CHSY3: variants seen among roughly 807,000 people sequenced by gnomAD.
CHSY3 encodes the protein chondroitin sulfate synthase 3, also known as N-acetylgalactosaminyl-proteoglycan 3-beta-glucuronosyltransferase 3.
Under a neutral mutation model 67.2 loss-of-function variants are expected in CHSY3, and 35 were observed. That is an observed-to-expected ratio of 0.52 (90% CI 0.40 to 0.69). The LOEUF is 0.69. Ranked by LOEUF, CHSY3 falls within the 30% of genes least tolerant of loss-of-function variation. CHSY3 has a pLI of 0.00. For missense variants in CHSY3, 1,069 were observed against 1,138.5 expected (o/e 0.94, Z 0.88); for synonymous variants, 474 against 434.7 (o/e 1.09, Z -1.12).
chr5:129,993,974 T>C (rs1369750808), intron 2 of CHSY3, among the ~76,000 whole-genome samples: 3 of 152,190 alleles, frequency 2.0e-5, no homozygotes, highest in Admixed American at 6.6e-5. Context: ...CTTATGAAGC[T>C]TAGTTTGGCT....
intron 2 of CHSY3, among the ~76,000 whole-genome samples, chr5:130,179,306 G>A (rs376902336): frequency 6.6e-6 from 1 of 151,928 alleles, no homozygotes; most frequent in African/African-American, 2.4e-5. Context: ...TTCTTAAATT[G>A]TATCTTTATG....
At chr5:130,040,748 G>A (rs1764985588) in intron 2 of CHSY3, among the ~76,000 whole-genome samples, 1 of 152,098 alleles carries the variant, frequency 6.6e-6, no homozygotes, top group African/African-American at 2.4e-5. Flanking sequence ...TGAACAGTTT[G>A]CAGCCTATCT....
rs1468717884 is a variant in CHSY3, at chr5:130,143,732, G to GTATATATATATATA, written c.1087-40496_1087-40495insATATATATATATAT. ...GGTATATATATATATGTGTGTGTGT[G>GTATATATATATATA]TGTATATATATATATATATATATAT... is the stretch of plus-strand genomic sequence containing the variant. On this transcript the variant is annotated intron_variant, in intron 2 of 2. Transcript: ENST00000305031. Among the ~76,000 whole-genome samples, 172 of 99,248 alleles carry GTATATATATATATA rather than the reference G, an allele frequency of 1.7e-3. 2 individuals are homozygous for GTATATATATATATA. The highest frequency in any genetic ancestry group is 6.6e-3 in the African/African-American group (159 of 23,988). The allele number at this position is 99,248 out of a possible 152,430, so 65.1% of individuals were successfully genotyped here. A position where few individuals can be genotyped will look rare whatever the true frequency, so the allele number is the denominator to read the frequency against.
intron 2 of CHSY3, among the ~76,000 whole-genome samples, chr5:130,061,687 G>T (rs886890809): frequency 2.0e-5 from 3 of 152,000 alleles, no homozygotes; most frequent in Admixed American, 2.0e-4. Flanking sequence ...GAATTTATAA[G>T]GAACTCAGAC....
In CHSY3 at chr5:130,086,985, C is replaced by T. The variant is rs1212158803; in HGVS notation, c.1087-97244C>T. Reference sequence around the variant, plus strand: ...AATCCTCAATAAAATACTGGCAAACCGAATCCAGCAGCACATCAAAAAGCT... The same window carrying T: ...AATCCTCAATAAAATACTGGCAAACTGAATCCAGCAGCACATCAAAAAGCT... On this transcript the variant is annotated intron_variant, in intron 2 of 2. Coordinates refer to ENST00000305031, the MANE Select transcript of CHSY3 (RefSeq NM_175856.5). Among the ~76,000 whole-genome samples, 7 of 152,084 alleles carry T rather than the reference C, an allele frequency of 4.6e-5. No individual in the cohort carries two copies. In the South Asian group the frequency reaches 6.2e-4, roughly 14 times the overall value.
At chr5:130,080,586 C>A (rs1020414831) in intron 2 of CHSY3, among the ~76,000 whole-genome samples, 6 of 152,156 alleles carry the variant, frequency 3.9e-5, no homozygotes, top group African/African-American at 1.4e-4. Flanking sequence ...TAATCAAGAT[C>A]AGAACTCAGG....
chr5:129,914,236 G>A (rs565180434), intron 2 of CHSY3, among the ~76,000 whole-genome samples: 6 of 151,990 alleles, frequency 3.9e-5, no homozygotes, highest in South Asian at 2.1e-4. Flanking sequence ...TCAACCTCCC[G>A]AGTAGCTGGG....
intron 2 of CHSY3, among the ~76,000 whole-genome samples, chr5:130,133,027 T>C (rs1173074008): frequency 1.3e-5 from 2 of 152,190 alleles, no homozygotes; most frequent in Non-Finnish European, 2.9e-5. Flanking sequence ...TTTATTATAC[T>C]ATTATACTAT....
chr5:130,080,802 G>A (rs1346631254), intron 2 of CHSY3, among the ~76,000 whole-genome samples: 1 of 151,938 alleles, frequency 6.6e-6, no homozygotes, highest in African/African-American at 2.4e-5. Context: ...ATACCTGTAG[G>A]GGCCAAGAGA....
chr5:129,905,222 G>C lies in CHSY3; in HGVS notation c.393G>C (p.Glu131Asp), dbSNP rs1327830107. The change falls in exon 1 of 3, where the codon GAG becomes GAC. Residue 131 changes from glutamate (E) to aspartate (D), a missense_variant. Transcript: ENST00000305031. ...GGCTTCCCGGTGCTCCAGCGGCCGAGGGGGAGCCCGAGGAGGAGGACGGGG... is the reference window on the plus strand; with the variant it reads ...GGCTTCCCGGTGCTCCAGCGGCCGACGGGGAGCCCGAGGAGGAGGACGGGG... ...ATGLPGAPAA[E>D]GEPEEEDGGA... 2.7e-6 allele frequency: 4 copies of C among 1,501,796 alleles called. No homozygotes were observed. The highest frequency in any genetic ancestry group is 1.3e-5 in the South Asian group (1 of 78,928). The allele number at this position is 1,501,796 out of a possible 1,614,324, so 93.0% of individuals were successfully genotyped here. A position where few individuals can be genotyped will look rare whatever the true frequency, so the allele number is the denominator to read the frequency against.
chr5:129,905,949 A>C, intron 1 of CHSY3: 1 of 390,268 alleles, frequency 2.6e-6, no homozygotes, highest in Non-Finnish European at 4.4e-6. Flanking sequence ...CTTAGAGCTA[A>C]ACCAAAGGCC....
chr5:129,990,931 C>T (rs1207582854), intron 2 of CHSY3, among the ~76,000 whole-genome samples: 2 of 152,026 alleles, frequency 1.3e-5, no homozygotes, highest in Admixed American at 6.6e-5. Context: ...ATAACCCAGC[C>T]TATCCAAGAG....
At chr5:130,043,235 A>G (rs891588394) in intron 2 of CHSY3, among the ~76,000 whole-genome samples, 1 of 151,982 alleles carries the variant, frequency 6.6e-6, no homozygotes, top group Non-Finnish European at 1.5e-5. Context: ...TTATTGTCAA[A>G]TACATAATTT....
At chr5:130,056,084 C>T (rs1765523289) in intron 2 of CHSY3, among the ~76,000 whole-genome samples, 1 of 152,046 alleles carries the variant, frequency 6.6e-6, no homozygotes, top group South Asian at 2.1e-4. Context: ...GAATTGAAGC[C>T]AGTGTGACAT....
intron 2 of CHSY3, among the ~76,000 whole-genome samples, chr5:130,087,183 ACT>A (rs1438821637): frequency 3.3e-5 from 5 of 151,706 alleles, no homozygotes; most frequent in Admixed American, 2.6e-4. Flanking sequence ...CATGCTAAAA[ACT>A]CTCAATAAAT....
intron 2 of CHSY3, among the ~76,000 whole-genome samples, chr5:129,975,198 C>T (rs1178239596): frequency 6.6e-6 from 1 of 151,940 alleles, no homozygotes; most frequent in Non-Finnish European, 1.5e-5. Flanking sequence ...GCACATTGTG[C>T]ACATGTACCC....
intron 2 of CHSY3, among the ~76,000 whole-genome samples, chr5:130,076,311 CTT>C (rs79134351): frequency 3.5e-5 from 5 of 141,642 alleles, no homozygotes; most frequent in African/African-American, 5.1e-5. Context: ...TTTTTTCTTT[CTT>C]TTTTTTTTTT....
At chr5:129,993,920 C>A (rs1185507512) in intron 2 of CHSY3, among the ~76,000 whole-genome samples, 1 of 151,176 alleles carries the variant, frequency 6.6e-6, no homozygotes, top group Non-Finnish European at 1.5e-5. Context: ...TGACAAAAAT[C>A]TCTCAGCATT....
intron 2 of CHSY3, among the ~76,000 whole-genome samples, chr5:130,097,042 G>A (rs1385414373): frequency 6.6e-6 from 1 of 152,134 alleles, no homozygotes; most frequent in African/African-American, 2.4e-5. Flanking sequence ...CCCCTTGTGG[G>A]TACACACATA....
Sources: gnomAD v4.1 joint callset for allele counts (sites outside exome capture counted in the v4.1 genomes callset) on GRCh38, gnomAD v4.1.1 for gene constraint, MANE v1.5 for transcripts, NCBI Gene and HGNC (gene_info 2026-07-23, HGNC 2026-07-21) for gene names.